The following CTNNA3 variants were observed in gnomAD, a reference collection of about 807,000 sequenced individuals.
CTNNA3 encodes catenin alpha-3.
Under a neutral mutation model 95.7 loss-of-function variants are expected in CTNNA3, and 76 were observed. The observed-to-expected ratio is 0.79, with a 90% CI of 0.66 to 0.96. The LOEUF is 0.96. Ranked by LOEUF, CTNNA3 falls within the 40% of genes least tolerant of loss-of-function variation. CTNNA3 has a pLI of 0.00. For missense variants in CTNNA3, 1,191 were observed against 1,089.8 expected, an observed-to-expected ratio of 1.09 and a Z score of -1.31; for synonymous variants, 431 against 374.4, an observed-to-expected ratio of 1.15 and a Z score of -1.74.
At chr10:67,553,582 G>A (rs1375998764) in intron 3 of CTNNA3, among the ~76,000 whole-genome samples, 1 of 152,016 alleles carries the variant, frequency 6.6e-6, no homozygotes, top group Non-Finnish European at 1.5e-5. Context: ...TTTGAGGAAT[G>A]GCATTTAAAA....
intron 9 of CTNNA3, among the ~76,000 whole-genome samples, chr10:66,663,396 T>C (rs1423732793): frequency 6.6e-6 from 1 of 151,664 alleles, no homozygotes; most frequent in Non-Finnish European, 1.5e-5. Context: ...TTGTCCAGGA[T>C]ATTTTCATGA....
rs139383106 is a variant in CTNNA3, at chr10:66,928,261, A to G, written c.1048-152737T>C. 3.8e-3 allele frequency: 6,154 copies of G among 1,614,174 alleles called. 20 individuals carry two copies. The highest frequency in any genetic ancestry group is 4.7e-3 in the Non-Finnish European group (5,554 of 1,180,024). ...GTCATGGAAGCGGTACCCTGCGAGC[A>G]TGAAGCAGCTGCAGCAGCGCTCCCT... On this transcript the variant is annotated intron_variant, in intron 7 of 17. Transcript: ENST00000433211.
At chr10:65,968,206 A>G (rs892989365) in intron 16 of CTNNA3, among the ~76,000 whole-genome samples, 2 of 152,042 alleles carry the variant, frequency 1.3e-5, no homozygotes, top group African/African-American at 4.8e-5. Flanking sequence ...CCTGGGGAAC[A>G]TAGGGAGACA....
intron 15 of CTNNA3, among the ~76,000 whole-genome samples, chr10:66,043,842 C>A (rs993659561): frequency 6.6e-6 from 1 of 152,120 alleles, no homozygotes; most frequent in African/African-American, 2.4e-5. Context: ...GGCAAACTGA[C>A]GCTCCTGAAA....
chr10:66,279,506 G>T lies in CTNNA3; in HGVS notation c.1884+964C>A, dbSNP rs772563701. Among the ~76,000 whole-genome samples, 73 of 152,090 alleles carry T rather than the reference G, an allele frequency of 4.8e-4. 4 individuals are homozygous for T. The highest frequency in any genetic ancestry group is 2.4e-4 in the Non-Finnish European group (16 of 67,976). On this transcript the variant is annotated intron_variant, in intron 13 of 17. Transcript: ENST00000433211. ...ATGAGGTTCAGGTGACACCTCTGAG[G>T]GTAGCTTTTCACCCAGGATGAATAG...
intron 10 of CTNNA3, among the ~76,000 whole-genome samples, chr10:66,540,351 G>A (rs766683168): frequency 2.0e-5 from 3 of 152,162 alleles, no homozygotes; most frequent in Non-Finnish European, 4.4e-5. Flanking sequence ...GTTTAGACGA[G>A]TTAACTTCTC....
intron 7 of CTNNA3, among the ~76,000 whole-genome samples, chr10:66,867,895 CA>C (rs74889073): frequency 0.16 from 21,643 of 131,900 alleles, 2,018 homozygotes; most frequent in African/African-American, 0.29. Context: ...AAGGCACTAC[CA>C]AAAAAAAAAA....
chr10:66,483,014 G>A (rs1839594664), intron 11 of CTNNA3, among the ~76,000 whole-genome samples: 1 of 152,154 alleles, frequency 6.6e-6, no homozygotes, highest in Non-Finnish European at 1.5e-5. Context: ...AGGAGAGGTT[G>A]GAGATAAAGA....
rs185586127 is a variant in CTNNA3 at position 66,016,017 on chromosome 10, A to G, written c.2160-27220T>C. Among the ~76,000 whole-genome samples the G allele has an allele frequency of 1.9e-3, 290 of 152,280 alleles. 1 individual carries two copies. The highest frequency in any genetic ancestry group is 6.1e-3 in the African/African-American group (255 of 41,564). ...TAATGCACAAACAATGATTTATAGC[A>G]TCTGTTTTCTAATTTAAGTTAAAGG... On this transcript the variant is annotated intron_variant, in intron 15 of 17. Transcript: ENST00000433211.
chr10:66,992,197 A>G (rs1816874798), intron 7 of CTNNA3, among the ~76,000 whole-genome samples: 1 of 152,152 alleles, frequency 6.6e-6, no homozygotes, highest in Non-Finnish European at 1.5e-5. Flanking sequence ...TCATGCTTTA[A>G]TTTTTATCAT....
chr10:66,289,094 G>A (rs2091637078), intron 12 of CTNNA3, among the ~76,000 whole-genome samples: 1 of 151,938 alleles, frequency 6.6e-6, no homozygotes, highest in South Asian at 2.1e-4. Context: ...TGCAATATAT[G>A]TTAACAGTGT....
chr10:67,267,048 T>C (rs1866857893), intron 5 of CTNNA3, among the ~76,000 whole-genome samples: 1 of 152,212 alleles, frequency 6.6e-6, no homozygotes. Flanking sequence ...TGGTCTATCC[T>C]GACAATTACA....
At chr10:66,149,206 A>T (rs1256069216) in intron 13 of CTNNA3, among the ~76,000 whole-genome samples, 2 of 147,682 alleles carry the variant, frequency 1.4e-5, no homozygotes, top group African/African-American at 2.5e-5. Flanking sequence ...ATAACTAGTT[A>T]TAATATATAA....
intron 15 of CTNNA3, among the ~76,000 whole-genome samples, chr10:66,067,833 T>C (rs189719535): frequency 3.3e-5 from 5 of 152,216 alleles, no homozygotes; most frequent in Admixed American, 3.3e-4. Flanking sequence ...GAAGAATCGT[T>C]TGAACCCCAA....
At chr10:67,635,999 T>G (rs931473103) in intron 2 of CTNNA3, among the ~76,000 whole-genome samples, 1 of 152,086 alleles carries the variant, frequency 6.6e-6, no homozygotes, top group African/African-American at 2.4e-5. Context: ...GTGCAAAAAT[T>G]GCTAGCATTC....
intron 5 of CTNNA3, among the ~76,000 whole-genome samples, chr10:67,511,375 T>A (rs12220517): frequency 0.18 from 27,928 of 152,132 alleles, 3,641 homozygotes; most frequent in East Asian, 0.67. Flanking sequence ...ATTCCATCAA[T>A]ACCTAGTTTA....
intron 10 of CTNNA3, among the ~76,000 whole-genome samples, chr10:66,581,161 G>A (rs1043318407): frequency 1.3e-5 from 2 of 151,716 alleles, no homozygotes; most frequent in East Asian, 1.9e-4. Context: ...GGACATTTAG[G>A]TTGACTGCAT....
chr10:67,178,226 C>T (rs1490806498), intron 7 of CTNNA3, among the ~76,000 whole-genome samples: 1 of 152,072 alleles, frequency 6.6e-6, no homozygotes, highest in Non-Finnish European at 1.5e-5. Context: ...GCCACAGATG[C>T]CTGTGAGGGT....
intron 2 of CTNNA3, among the ~76,000 whole-genome samples, chr10:67,635,896 T>C (rs1020867499): frequency 6.6e-6 from 1 of 152,188 alleles, no homozygotes; most frequent in Non-Finnish European, 1.5e-5. Context: ...GCAGATGACA[T>C]GATCCTATAT....
Sources: allele counts gnomAD v4.1 joint callset (sites outside exome capture counted in the v4.1 genomes callset), GRCh38; gene constraint gnomAD v4.1.1; transcripts MANE v1.5; gene names NCBI Gene and HGNC (gene_info 2026-07-23, HGNC 2026-07-21).